Variants in CAMTA2 observed in about 807,000 individuals in gnomAD.
The protein encoded by CAMTA2 is calmodulin-binding transcription activator 2.
A neutral mutation model predicts 135.7 loss-of-function variants in CAMTA2; 56 were observed. The ratio of observed to expected loss-of-function variants is 0.41; its 90% CI spans 0.33 to 0.52. The LOEUF (loss-of-function observed/expected upper bound fraction) is 0.52. Among genes scored for constraint, CAMTA2 ranks in the 20% least tolerant of loss-of-function variants. The pLI, the probability that CAMTA2 is intolerant of heterozygous loss-of-function variation, is 0.16. For missense variants in CAMTA2, 1,358 were observed against 1,553.4 expected (o/e 0.87, Z 2.11); for synonymous variants, 591 against 604.6 (o/e 0.98, Z 0.33).
rs1972163291 is a variant in CAMTA2 at position 4,969,949 on chromosome 17, G to T, written c.3142C>A (p.Leu1048Met). 1.9e-6 allele frequency: 3 copies of T among 1,614,234 alleles called. No individual in the cohort carries two copies. The highest frequency in any genetic ancestry group is 1.1e-5 in the South Asian group (1 of 91,086). Residue 1048 changes from leucine to methionine, a missense_variant, in exon 18 of 23, where the codon CTG becomes ATG. Transcript: ENST00000348066. The surrounding 1 kb of genome is among the most constrained non-coding windows in gnomAD (Gnocchi z 5.6). ...LTLSDHEQRE[L>M]YEAARVIQTA... ...TGGATGACTCGGGCAGCCTCATACA[G>T]TTCCCGCTGCTCGTGATCTGATAGT...
intron 10 of CAMTA2, 37 bp downstream of exon 10, chr17:4,978,465 CAT>C (rs748556568): frequency 1.4e-5 from 23 of 1,606,460 alleles, no homozygotes; most frequent in East Asian, 6.7e-5. Context: ...TAACTGCCCA[CAT>C]GTCAGTCCCT....
At position 4,974,457 on chromosome 17, in the gene CAMTA2, C is replaced by T; in HGVS notation, c.1944G>A (p.Met648Ile). 1 of 1,614,060 alleles carries T rather than the reference C, an allele frequency of 6.2e-7. No homozygotes were observed. Among genetic ancestry groups the T allele is most frequent in the Non-Finnish European group, 8.5e-7 (1 of 1,179,932 alleles). ...RMSILERLEQ[M>I]EKRMAEIAAA... ...CTGCGATCTCTGCCATCCGCTTCTC[C>T]ATCTGCTCCAGTCGCTCTAGTATGG... The change falls in exon 12 of 23, where the codon ATG becomes ATA. Residue 648 changes from methionine (M) to isoleucine (I), a missense_variant. Physicochemically the swap from Met to Ile is conservative, Grantham distance 10 (BLOSUM62 1). Transcript: ENST00000348066.
In CAMTA2 at chr17:4,982,755, A is replaced by T; in HGVS notation, c.339+2T>A. ...GATGAGCTGAATATCTGACTCTCTTACCTCCATGCCCTGGACCTTCAGCTT... is the reference window on the plus strand; with the variant it reads ...GATGAGCTGAATATCTGACTCTCTTTCCTCCATGCCCTGGACCTTCAGCTT... On this transcript the variant is annotated splice_donor_variant, in intron 5 of 22. Transcript: ENST00000348066. LOFTEE classifies it high-confidence loss of function. 1 of 1,613,526 alleles carries T rather than the reference A, an allele frequency of 6.2e-7. No individual in the cohort carries two copies. Among genetic ancestry groups the T allele is most frequent in the Non-Finnish European group, 8.5e-7 (1 of 1,179,818 alleles).
At chr17:4,987,062 T>C in intron 1 of CAMTA2, 4 of 1,403,030 alleles carry the variant, frequency 2.9e-6, no homozygotes, top group Non-Finnish European at 3.7e-6. Context: ...AGGATGGAGA[T>C]GGGAGGAGGC....
chr17:4,985,989 G>A lies in CAMTA2; in HGVS notation c.32-6C>T, dbSNP rs749791188. The stretch of plus-strand genomic sequence containing the variant: ...CTTCAGGTGGTGGCTGTTTTCTAAA[G>A]GGAATTAGAAGGGAGGGTTTAGTGT... On this transcript the variant is annotated splice_region_variant and splice_polypyrimidine_tract_variant and intron_variant, in intron 2 of 22. Coordinates refer to ENST00000348066, the MANE Select transcript of CAMTA2 (RefSeq NM_015099.4). 37 of 1,604,590 alleles carry A rather than the reference G, an allele frequency of 2.3e-5. No individual in the cohort carries two copies. The African/African-American group carries it at 4.8e-4, about 21-fold the overall frequency.
At chr17:4,987,366 G>T in intron 1 of CAMTA2, 1 of 1,361,140 alleles carries the variant, frequency 7.3e-7, no homozygotes, top group East Asian at 3.0e-5. Flanking sequence ...CAGTGCAGGT[G>T]CCGGGTGCGG....
Position 4,979,666 on chromosome 17 carries a change from G to A in CAMTA2, c.1638+18C>T, listed in dbSNP as rs1303089978. Reference sequence around the variant, plus strand: ...GACAAATAGGAGGGAGGAGGGAGGAGGTAAGCCTGAGTCTCACCTCTGGGT... The same window carrying A: ...GACAAATAGGAGGGAGGAGGGAGGAAGTAAGCCTGAGTCTCACCTCTGGGT... On this transcript the variant is annotated intron_variant, in intron 9 of 22. Coordinates refer to ENST00000348066, the MANE Select transcript of CAMTA2 (RefSeq NM_015099.4). The A allele has an allele frequency of 9.6e-6, 15 of 1,560,796 alleles. No homozygotes were observed. The highest frequency in any genetic ancestry group is 1.3e-5 in the Non-Finnish European group (15 of 1,135,726).
intron 12 of CAMTA2, 71 bp from the exon 13 acceptor site, chr17:4,973,840 T>C: frequency 1.5e-6 from 2 of 1,369,552 alleles, no homozygotes; most frequent in Non-Finnish European, 2.0e-6. Flanking sequence ...CTTGGCCACC[T>C]CACATCTGTC....
rs772687225 is a variant in CAMTA2 at position 4,970,503 on chromosome 17, C to T, written c.2842G>A (p.Glu948Lys). The T allele has an allele frequency of 5.0e-6, 8 of 1,613,024 alleles. No homozygotes were observed. The Admixed American group carries it at 5.0e-5, about 10-fold the overall frequency. The change falls in exon 17 of 23, where the codon GAA becomes AAA. Residue 948 changes from glutamate (E) to lysine (K), a missense_variant. Glu to Lys is a moderately conservative substitution (Grantham distance 56, BLOSUM62 1). Transcript: ENST00000348066. ...CGTTTAATCCGCTCCGGTGTGGCTT[C>T]GATGATCTGCTTGGCTAGTGAGATC... ...DMISLAKQII[E>K]ATPERIKRED... is the part of the protein sequence containing the mutation.
At chr17:4,979,654 G>A in intron 9 of CAMTA2, 30 bp downstream of exon 9, 1 of 1,469,444 alleles carries the variant, frequency 6.8e-7, no homozygotes, top group Non-Finnish European at 9.4e-7. Flanking sequence ...AAATAGGAGG[G>A]AGGAGGGAGG....
Position 4,973,201 on chromosome 17 carries a change from C to G in CAMTA2, c.2254G>C (p.Val752Leu). 1.2e-6 allele frequency: 2 copies of G among 1,614,144 alleles called. No individual in the cohort carries two copies. Among genetic ancestry groups the G allele is most frequent in the Non-Finnish European group, 1.7e-6 (2 of 1,179,974 alleles). Residue 752 changes from valine (V) to leucine (L), a missense_variant, in exon 14 of 23, where the codon GTG becomes CTG. Val to Leu is a conservative substitution (Grantham distance 32). This residue lies in a region of CAMTA2 where 1,077 missense variants were observed against 1,127.5 expected (regional missense o/e 0.96). Coordinates refer to ENST00000348066, the MANE Select transcript of CAMTA2 (RefSeq NM_015099.4). ...AGAGGGGTGCAAGAGAAATGATCCA[C>G]GTTGAGCGGGTCAACCTCCTGCTCT... Reference protein sequence around the residue: ...DLEQEVDPLNVDHFSCTPLMW... With the variant: ...DLEQEVDPLNLDHFSCTPLMW...
At chr17:4,984,699 G>A (rs1413994330) in intron 3 of CAMTA2, among the ~76,000 whole-genome samples, 3 of 152,192 alleles carry the variant, frequency 2.0e-5, no homozygotes, top group Non-Finnish European at 4.4e-5. Context: ...GCCTCCTCCA[G>A]AAAGAGCCAG....
intron 3 of CAMTA2, among the ~76,000 whole-genome samples, chr17:4,985,540 C>G (rs1411830978): frequency 2.6e-5 from 4 of 152,206 alleles, no homozygotes; most frequent in African/African-American, 9.7e-5. Flanking sequence ...TCTCCCGCCT[C>G]AGCCTCTCGA....
chr17:4,972,450 G>C lies in CAMTA2; in HGVS notation c.2590C>G (p.Pro864Ala), dbSNP rs779694510. The C allele has an allele frequency of 2.5e-6, 4 of 1,613,554 alleles. No individual in the cohort carries two copies. Among genetic ancestry groups the C allele is most frequent in the South Asian group, 1.1e-5 (1 of 91,054 alleles). ...GAGGCTGGCAGAGGTGCAGGGGGGG[G>C]ACTGCCATCTGGGGCACTAGAATAG... ...SAYSSAPDGS[P>A]PPAPLPASEM... is the part of the protein sequence containing the mutation. Residue 864 changes from proline to alanine, a missense_variant, in exon 16 of 23, where the codon CCC (proline) becomes GCC (alanine). By Grantham distance (27) the Pro-to-Ala change is conservative. Coordinates refer to ENST00000348066, the MANE Select transcript of CAMTA2 (RefSeq NM_015099.4).
Position 4,969,425 on chromosome 17 carries a change from G to GGT in CAMTA2, c.3282+74_3282+75insAC. On this transcript the variant is annotated intron_variant, in intron 20 of 22. Coordinates refer to ENST00000348066, the MANE Select transcript of CAMTA2 (RefSeq NM_015099.4). This position sits in a 1 kb window ranked among gnomAD's most constrained non-coding sequence, Gnocchi z 5.6. The stretch of plus-strand genomic sequence containing the variant: ...GCTCACCCAAGTTAGGCTGATGCAA[G>GGT]ACTCTCTGTAACCCACACACTCAAG... The GGT allele has an allele frequency of 6.2e-7, 1 of 1,607,596 alleles. No individual in the cohort carries two copies. Among genetic ancestry groups the GGT allele is most frequent in the Non-Finnish European group, 8.5e-7 (1 of 1,174,092 alleles).
intron 9 of CAMTA2, among the ~76,000 whole-genome samples, chr17:4,979,156 G>C (rs757384019): frequency 6.6e-6 from 1 of 152,098 alleles, no homozygotes; most frequent in Non-Finnish European, 1.5e-5. Flanking sequence ...GAGAGGAACA[G>C]AAAAAAGGTT....
chr17:4,968,840 G>C, intron 22 of CAMTA2, 21 bp from the exon 23 acceptor site: 1 of 1,613,096 alleles, frequency 6.2e-7, no homozygotes. Flanking sequence ...AAAGATAGGA[G>C]TCAGAGGAGA....
At chr17:4,982,183 G>C (rs758438001) in intron 5 of CAMTA2, 23 bp from the exon 6 acceptor site, 17 of 761,248 alleles carry the variant, frequency 2.2e-5, no homozygotes, top group South Asian at 4.1e-5. Flanking sequence ...AGGCTGGGGT[G>C]GGGGGAGGGC....
intron 8 of CAMTA2, 130 bp downstream of exon 8, chr17:4,981,095 C>T: frequency 2.6e-6 from 3 of 1,175,556 alleles, no homozygotes; most frequent in South Asian, 1.4e-5. Flanking sequence ...TCATCTGGCC[C>T]ATCTTTCTGG....
Sources: gnomAD v4.1 joint callset for allele counts (sites outside exome capture counted in the v4.1 genomes callset) on GRCh38, gnomAD v4.1.1 for gene constraint, gnomAD v4.1.1 regional missense constraint, Gnocchi (gnomAD v3.1) non-coding constraint, MANE v1.5 for transcripts, NCBI Gene and HGNC (gene_info 2026-07-23, HGNC 2026-07-21) for gene names.